UBE2W: variants seen among roughly 807,000 people sequenced by gnomAD.
The protein encoded by UBE2W is ubiquitin conjugating enzyme E2 W, also known as ubiquitin-conjugating enzyme E2 W.
In UBE2W, 18 loss-of-function variants were observed where a neutral mutation model predicts 27.2. That is an observed-to-expected ratio of 0.66 (90% CI 0.46 to 0.98). UBE2W has a LOEUF of 0.98. UBE2W is among the 50% of genes least tolerant of loss of function. The pLI is 0.00. For missense variants in UBE2W, 90 were observed against 180.2 expected, an observed-to-expected ratio of 0.50 and a Z score of 2.87; for synonymous variants, 53 against 57.2, an observed-to-expected ratio of 0.93 and a Z score of 0.33.
chr8:73,795,848 G>A, intron 5 of UBE2W: 2 of 866,720 alleles, frequency 2.3e-6, no homozygotes, highest in Non-Finnish European at 2.8e-6. Context: ...TGGGGAGGCT[G>A]AGGTGGATGG....
chr8:73,810,187 A>C (rs1305391094), intron 4 of UBE2W, among the ~76,000 whole-genome samples: 1 of 152,214 alleles, frequency 6.6e-6, no homozygotes, highest in African/African-American at 2.4e-5. Context: ...TTACCTGTGC[A>C]TGCTTTTGGG....
chr8:73,790,273 A>T lies in UBE2W; in HGVS notation c.*3829T>A, dbSNP rs1387121350. ...CATCAGTGGGAAGAGGCAGAAAAAT[A>T]GGAAGAAAAATAAAGGACAGATTTA... On this transcript the variant is annotated 3_prime_UTR_variant, in exon 6 of 6. Coordinates refer to ENST00000602593, the MANE Select transcript of UBE2W (RefSeq NM_018299.6). 1.0e-6 allele frequency: 1 copy of T among 985,312 alleles called. No homozygotes were observed. The highest frequency in any genetic ancestry group is 1.2e-6 in the Non-Finnish European group (1 of 829,946). The allele number at this position is 985,312 out of a possible 1,614,324, so 61.0% of individuals were successfully genotyped here. A position where few individuals can be genotyped will look rare whatever the true frequency, so the allele number is the denominator to read the frequency against.
intron 1 of UBE2W, among the ~76,000 whole-genome samples, chr8:73,870,523 T>G (rs1811960667): frequency 6.6e-6 from 1 of 152,062 alleles, no homozygotes; most frequent in Non-Finnish European, 1.5e-5. Flanking sequence ...ATTTTATATT[T>G]GGAGGTGGGA....
In UBE2W at chr8:73,790,038, T is replaced by C; in HGVS notation, c.*4064A>G. The C allele has an allele frequency of 1.0e-6, 1 of 985,314 alleles. No homozygotes were observed. The highest frequency in any genetic ancestry group is 1.7e-5 in the African/African-American group (1 of 57,346). The allele number at this position is 985,314 out of a possible 1,614,324, so 61.0% of individuals were successfully genotyped here. A position where few individuals can be genotyped will look rare whatever the true frequency, so the allele number is the denominator to read the frequency against. ...ACAGCTCATTTACCAAGTAGTCAAT[T>C]ATTCAACAAATTTAGCCATCTACTG... On this transcript the variant is annotated 3_prime_UTR_variant, in exon 6 of 6. Coordinates refer to ENST00000602593, the MANE Select transcript of UBE2W (RefSeq NM_018299.6).
At position 73,788,564 on chromosome 8, in the gene UBE2W, C is replaced by T; in HGVS notation, c.*5538G>A. ...ATGAAAAGATGCATTTTCATGGTAT[C>T]TGACACAATTTACCAAGTTCCTTAT... is the stretch of plus-strand genomic sequence containing the variant. On this transcript the variant is annotated 3_prime_UTR_variant, in exon 6 of 6. Coordinates refer to ENST00000602593, the MANE Select transcript of UBE2W (RefSeq NM_018299.6). 1.0e-6 allele frequency: 1 copy of T among 985,404 alleles called. No individual in the cohort carries two copies. The highest frequency in any genetic ancestry group is 1.2e-6 in the Non-Finnish European group (1 of 829,918). The allele number at this position is 985,404 out of a possible 1,614,324, so 61.0% of individuals were successfully genotyped here.
chr8:73,837,677 T>C (rs1810365100), intron 1 of UBE2W, among the ~76,000 whole-genome samples: 1 of 152,240 alleles, frequency 6.6e-6, no homozygotes, highest in Non-Finnish European at 1.5e-5. Flanking sequence ...TGGTCTCAAG[T>C]GATCCTCCCA....
chr8:73,842,867 A>C (rs1265492654), intron 1 of UBE2W, among the ~76,000 whole-genome samples: 1 of 152,222 alleles, frequency 6.6e-6, no homozygotes, highest in Non-Finnish European at 1.5e-5. Context: ...AAACACATTC[A>C]CACAAAAACA....
chr8:73,789,286 C>T lies in UBE2W; in HGVS notation c.*4816G>A, dbSNP rs192467981. 7.0e-4 allele frequency: 79 copies of T among 113,638 alleles called. No individual in the cohort carries two copies. The highest frequency in any genetic ancestry group is 2.8e-3 in the African/African-American group (75 of 26,934). The allele number at this position is 113,638 out of a possible 1,614,324, so 7.0% of individuals were successfully genotyped here. A position where few individuals can be genotyped will look rare whatever the true frequency, so the allele number is the denominator to read the frequency against. On this transcript the variant is annotated 3_prime_UTR_variant, in exon 6 of 6. Transcript: ENST00000602593. ...AGGAATTCAAGATCAGCCTGGGCAACATGGTGAGACCTCGTGTCTTTAAAA... is the reference window on the plus strand; with the variant it reads ...AGGAATTCAAGATCAGCCTGGGCAATATGGTGAGACCTCGTGTCTTTAAAA...
At chr8:73,828,203 GA>G (rs1809931070) in intron 2 of UBE2W, among the ~76,000 whole-genome samples, 1 of 152,094 alleles carries the variant, frequency 6.6e-6, no homozygotes, top group South Asian at 2.1e-4. Context: ...TTAAGCATTA[GA>G]ATTTTTTTTA....
intron 2 of UBE2W, among the ~76,000 whole-genome samples, chr8:73,827,069 A>C (rs1212026685): frequency 1.3e-5 from 2 of 152,256 alleles, no homozygotes; most frequent in Admixed American, 1.3e-4. Context: ...CACATAACAT[A>C]AATTAACATG....
chr8:73,797,402 T>G (rs1237516319), intron 5 of UBE2W, among the ~76,000 whole-genome samples: 1 of 152,214 alleles, frequency 6.6e-6, no homozygotes, highest in Non-Finnish European at 1.5e-5. Context: ...AATTAAAATT[T>G]TCCTTTAACG....
At chr8:73,807,135 G>A (rs905790654) in intron 4 of UBE2W, among the ~76,000 whole-genome samples, 2 of 152,190 alleles carry the variant, frequency 1.3e-5, no homozygotes, top group Non-Finnish European at 2.9e-5. Context: ...TACTATGATA[G>A]ATATCCTTAT....
At chr8:73,850,740 A>AC (rs1321436552) in intron 1 of UBE2W, among the ~76,000 whole-genome samples, 5 of 150,094 alleles carry the variant, frequency 3.3e-5, no homozygotes, top group African/African-American at 1.2e-4. Context: ...AAAAAAAAAA[A>AC]AAAAAAAAAA....
At chr8:73,814,152 A>C (rs1239968835) in intron 3 of UBE2W, among the ~76,000 whole-genome samples, 1 of 152,218 alleles carries the variant, frequency 6.6e-6, no homozygotes, top group East Asian at 1.9e-4. Flanking sequence ...ACTCACTACA[A>C]GCCAAAGGAG....
Position 73,794,048 on chromosome 8 carries a change from G to C in UBE2W, c.*54C>G. The C allele has an allele frequency of 1.9e-6, 3 of 1,611,276 alleles. No homozygotes were observed. The highest frequency in any genetic ancestry group is 2.5e-6 in the Non-Finnish European group (3 of 1,178,874). On this transcript the variant is annotated 3_prime_UTR_variant, in exon 6 of 6. Transcript: ENST00000602593. ...AAAGTTCAAAGACTGAATGATCAAA[G>C]TGCTCATTTTCTCAGTAGGACTATC...
At chr8:73,849,125 T>C (rs1417995520) in intron 1 of UBE2W, among the ~76,000 whole-genome samples, 2 of 152,222 alleles carry the variant, frequency 1.3e-5, no homozygotes, top group Non-Finnish European at 2.9e-5. Context: ...ACTGTTTCTT[T>C]CTACTTTTCT....
Position 73,787,486 on chromosome 8 carries a change from C to T in UBE2W, c.*6616G>A. The T allele has an allele frequency of 6.1e-6, 6 of 985,440 alleles. No individual in the cohort carries two copies. The highest frequency in any genetic ancestry group is 7.2e-6 in the Non-Finnish European group (6 of 829,922). The allele number at this position is 985,440 out of a possible 1,614,324, so 61.0% of individuals were successfully genotyped here. A position where few individuals can be genotyped will look rare whatever the true frequency, so the allele number is the denominator to read the frequency against. On this transcript the variant is annotated 3_prime_UTR_variant, in exon 6 of 6. Transcript: ENST00000602593. The stretch of plus-strand genomic sequence containing the variant: ...GTTCATATATTTATCTAACCATCTA[C>T]TAACATAGTTGTGTAGGACGGCAGG...
intron 1 of UBE2W, among the ~76,000 whole-genome samples, chr8:73,862,443 GT>G (rs1346673776): frequency 2.0e-5 from 3 of 151,984 alleles, no homozygotes; most frequent in Non-Finnish European, 2.9e-5. Context: ...TTTTTCTCAG[GT>G]TAAACGTTAG....
At chr8:73,840,004 G>A (rs1430200173) in intron 1 of UBE2W, among the ~76,000 whole-genome samples, 6 of 151,480 alleles carry the variant, frequency 4.0e-5, no homozygotes, top group Non-Finnish European at 1.5e-5. Context: ...CCAAAGCACT[G>A]GGATTACAGG....
Sources: gnomAD v4.1 joint callset for allele counts (sites outside exome capture counted in the v4.1 genomes callset) on GRCh38, gnomAD v4.1.1 for gene constraint, MANE v1.5 for transcripts, NCBI Gene and HGNC (gene_info 2026-07-23, HGNC 2026-07-21) for gene names.